The following CAST variants were observed in gnomAD, a reference collection of about 807,000 sequenced individuals.
CAST encodes the protein calpastatin, also known as MIR583 host.
Under a neutral mutation model 119.6 loss-of-function variants are expected in CAST, and 76 were observed. That is an observed-to-expected ratio of 0.64 (90% CI 0.53 to 0.77). The LOEUF is 0.77. CAST is among the 30% of genes least tolerant of loss of function. The pLI, the probability that CAST is intolerant of heterozygous loss-of-function variation, is 0.00. For synonymous variants in CAST, 319 were observed against 331.6 expected, an observed-to-expected ratio of 0.96 and a Z score of 0.41; for missense variants, 953 against 946.5, an observed-to-expected ratio of 1.01 and a Z score of -0.09.
chr5:96,276,153 G>A, the CAST span, among the ~76,000 whole-genome samples: 5 of 152,114 alleles, frequency 3.3e-5, no homozygotes, highest in Admixed American at 1.3e-4. Flanking sequence ...GTGTTTCAAC[G>A]ATAGATTTGG....
At chr5:96,757,343 C>G in intron 22 of CAST, 101 bp from the exon 23 acceptor site, 1 of 1,028,772 alleles carries the variant, frequency 9.7e-7, no homozygotes, top group Non-Finnish European at 1.5e-6. Context: ...AAATGTACAA[C>G]AGCAAGTATA....
chr5:96,667,973 C>A (rs760650599), intron 1 of CAST, among the ~76,000 whole-genome samples: 13 of 152,178 alleles, frequency 8.5e-5, no homozygotes, highest in Non-Finnish European at 1.3e-4. Context: ...CGAGATTGCA[C>A]CACTGCACTC....
At chr5:96,748,444 T>C (rs185672908) in intron 18 of CAST, 74 bp from the exon 19 acceptor site, 5 of 660,064 alleles carry the variant, frequency 7.6e-6, no homozygotes, top group African/African-American at 1.9e-5. Flanking sequence ...GGAAAAAAAT[T>C]GCTCCATGAA....
At chr5:96,368,707 T>C in the CAST span, among the ~76,000 whole-genome samples, 5 of 152,102 alleles carry the variant, frequency 3.3e-5, no homozygotes, top group Non-Finnish European at 7.4e-5. Flanking sequence ...AACAAGCTCC[T>C]GTTCCTTGGA....
At chr5:96,493,896 A>C in the CAST span, among the ~76,000 whole-genome samples, 8 of 152,122 alleles carry the variant, frequency 5.3e-5, no homozygotes. Flanking sequence ...TTAGTCACTC[A>C]CGGTGGTGCA....
intron 1 of CAST, among the ~76,000 whole-genome samples, chr5:96,589,668 A>G (rs1746929655): frequency 6.6e-6 from 1 of 152,230 alleles, no homozygotes; most frequent in Admixed American, 6.5e-5. Context: ...ATTTTGTTAA[A>G]GTTGAGTGAT....
At chr5:96,559,052 C>T (rs1295918043) in intron 1 of CAST, among the ~76,000 whole-genome samples, 1 of 152,128 alleles carries the variant, frequency 6.6e-6, no homozygotes. Context: ...GCTGGTTCAA[C>T]ATATGCAAAT....
At chr5:96,367,808 C>T in the CAST span, among the ~76,000 whole-genome samples, 19 of 152,038 alleles carry the variant, frequency 1.2e-4, no homozygotes, top group African/African-American at 3.9e-4. Flanking sequence ...TTGGCTCACG[C>T]TCGGTGGGCT....
At chr5:96,289,459 C>T in the CAST span, among the ~76,000 whole-genome samples, 4 of 152,046 alleles carry the variant, frequency 2.6e-5, no homozygotes, top group Non-Finnish European at 4.4e-5. Flanking sequence ...ATACTGTTCT[C>T]GTGGTAGTGA....
At chr5:96,231,291 T>C in the CAST span, among the ~76,000 whole-genome samples, 1 of 152,138 alleles carries the variant, frequency 6.6e-6, no homozygotes, top group Non-Finnish European at 1.5e-5. Context: ...AATAGAATGG[T>C]CTTTGGCCGC....
the CAST span, among the ~76,000 whole-genome samples, chr5:96,046,759 G>A: frequency 6.6e-6 from 1 of 152,198 alleles, no homozygotes; most frequent in Admixed American, 6.5e-5. Context: ...GGTTTAATTG[G>A]ACTTACAGTT....
chr5:96,308,281 G>A, the CAST span, among the ~76,000 whole-genome samples: 14 of 151,644 alleles, frequency 9.2e-5, no homozygotes, highest in Admixed American at 2.0e-4. Context: ...TGAAGTTCTC[G>A]TGCTGTGTTT....
chr5:96,675,652 A>G, intron 2 of CAST, 51 bp downstream of exon 2: 1 of 1,339,436 alleles, frequency 7.5e-7, no homozygotes, highest in Non-Finnish European at 1.1e-6. Context: ...TAAACTGTGA[A>G]GTTTGCCTTG....
chr5:96,607,639 C>T (rs1276631361), intron 1 of CAST, among the ~76,000 whole-genome samples: 2 of 152,096 alleles, frequency 1.3e-5, no homozygotes, highest in African/African-American at 2.4e-5. Flanking sequence ...TCGAGGGTGT[C>T]CTTTCATCAT....
At chr5:96,507,611 G>T in the CAST span, among the ~76,000 whole-genome samples, 1 of 152,144 alleles carries the variant, frequency 6.6e-6, no homozygotes, top group South Asian at 2.1e-4. Context: ...GGTTACTTCT[G>T]ACTTTAGGGA....
chr5:95,983,909 A>C, the CAST span, among the ~76,000 whole-genome samples: 1 of 152,198 alleles, frequency 6.6e-6, no homozygotes, highest in African/African-American at 2.4e-5. Context: ...ATTTCAGCAG[A>C]TTTTGTCTTG....
At chr5:96,410,367 G>A in the CAST span, among the ~76,000 whole-genome samples, 3 of 151,550 alleles carry the variant, frequency 2.0e-5, no homozygotes, top group South Asian at 4.2e-4. Context: ...TATCATCTGC[G>A]ACAGGGCAGG....
the CAST span, among the ~76,000 whole-genome samples, chr5:96,227,094 G>A: frequency 6.6e-6 from 1 of 152,116 alleles, no homozygotes; most frequent in African/African-American, 2.4e-5. Context: ...TAGTGTCTTG[G>A]TTTAATGTCA....
At chr5:96,251,591 A>C in the CAST span, among the ~76,000 whole-genome samples, 1 of 152,190 alleles carries the variant, frequency 6.6e-6, no homozygotes, top group African/African-American at 2.4e-5. Flanking sequence ...CTGGTCTCTG[A>C]AAGTGAAAAG....
Sources: gnomAD v4.1 joint callset for allele counts (sites outside exome capture counted in the v4.1 genomes callset) on GRCh38, gnomAD v4.1.1 for gene constraint, MANE v1.5 for transcripts, NCBI Gene and HGNC (gene_info 2026-07-23, HGNC 2026-07-21) for gene names.